Variants in ADAMTS17 observed in about 807,000 individuals in gnomAD.
ADAMTS17 encodes the protein ADAM metallopeptidase with thrombospondin type 1 motif 17.
In ADAMTS17, 113 loss-of-function variants were observed where a neutral mutation model predicts 141.5. The observed-to-expected ratio is 0.80, with a 90% CI of 0.69 to 0.93. ADAMTS17 has a LOEUF of 0.93. Ranked by LOEUF, ADAMTS17 falls within the 40% of genes least tolerant of loss-of-function variation. The pLI, the probability that ADAMTS17 is intolerant of heterozygous loss-of-function variation, is 0.00. For synonymous variants in ADAMTS17, 768 were observed against 630.6 expected, an observed-to-expected ratio of 1.22 and a Z score of -3.27; for missense variants, 1,659 against 1,517.9, an observed-to-expected ratio of 1.09 and a Z score of -1.54.
In ADAMTS17 at chr15:100,175,316, G is replaced by A. The variant is rs1338104577; in HGVS notation, c.1182-19996C>T. ...TTGGTCTGGAACAGCAGCTGTCCAA[G>A]GAACAGCCTTCTGTCCTTATCCTTG... On this transcript the variant is annotated intron_variant, in intron 8 of 21. Transcript: ENST00000268070. 5.9e-5 allele frequency among the ~76,000 whole-genome samples: 9 copies of A among 152,176 alleles called. No individual in the cohort carries two copies. In the East Asian group the frequency reaches 1.7e-3, roughly 29 times the overall value.
At chr15:100,014,435 C>T (rs1057263303) in intron 18 of ADAMTS17, among the ~76,000 whole-genome samples, 1 of 152,034 alleles carries the variant, frequency 6.6e-6, no homozygotes, top group East Asian at 1.9e-4. Context: ...TCTCTAGTTC[C>T]TTGAGGTGTG....
At chr15:100,106,181 T>C (rs2036404103) in intron 14 of ADAMTS17, among the ~76,000 whole-genome samples, 1 of 152,144 alleles carries the variant, frequency 6.6e-6, no homozygotes, top group South Asian at 2.1e-4. Flanking sequence ...CTTTATGCCA[T>C]GGGAGGACAC....
chr15:100,214,610 G>A (rs1182591267), intron 7 of ADAMTS17, among the ~76,000 whole-genome samples: 2 of 152,176 alleles, frequency 1.3e-5, no homozygotes, highest in African/African-American at 2.4e-5. Flanking sequence ...GGAGGAGCAT[G>A]GGATTGCATA....
At chr15:99,976,339 A>G (rs2060329132) in intron 20 of ADAMTS17, 117 bp from the exon 21 acceptor site, 2 of 1,330,328 alleles carry the variant, frequency 1.5e-6, no homozygotes, top group South Asian at 2.5e-5. Context: ...ACACGAGGTC[A>G]GGGGGCTGGG....
intron 15 of ADAMTS17, among the ~76,000 whole-genome samples, chr15:100,056,240 G>C (rs1567097477): frequency 6.6e-6 from 1 of 152,176 alleles, no homozygotes; most frequent in Non-Finnish European, 1.5e-5. Context: ...ATTCTTTCAA[G>C]CTTTCTGCAG....
At chr15:100,130,463 T>C (rs764474201) in intron 12 of ADAMTS17, among the ~76,000 whole-genome samples, 3 of 152,108 alleles carry the variant, frequency 2.0e-5, no homozygotes, top group Non-Finnish European at 4.4e-5. Context: ...ACATAATTAA[T>C]ACATAATGCC....
intron 4 of ADAMTS17, among the ~76,000 whole-genome samples, chr15:100,269,375 G>A (rs943236860): frequency 1.3e-5 from 2 of 152,212 alleles, no homozygotes; most frequent in African/African-American, 4.8e-5. Flanking sequence ...TATGTCATAT[G>A]AATAAGCTTC....
intron 8 of ADAMTS17, among the ~76,000 whole-genome samples, chr15:100,172,758 C>T (rs1260223729): frequency 6.6e-6 from 1 of 152,196 alleles, no homozygotes. Flanking sequence ...GGAATAAGAT[C>T]CCGCACCCCT....
chr15:99,998,431 C>T (rs1206406622), intron 18 of ADAMTS17, among the ~76,000 whole-genome samples: 3 of 152,056 alleles, frequency 2.0e-5, no homozygotes, highest in Non-Finnish European at 4.4e-5. Flanking sequence ...GGTGAAACCC[C>T]GTCTCTACTA....
rs2060280412 is a variant in ADAMTS17, at chr15:99,974,543, G to A, written c.3147C>T (p.Cys1049=). 8 of 1,614,270 alleles carry A rather than the reference G, an allele frequency of 5.0e-6. No homozygotes were observed. The highest frequency in any genetic ancestry group is 5.9e-6 in the Non-Finnish European group (7 of 1,180,046). ...SPRLAALTYK[C]TRDQWTVYCR... ...AATATACCGTCCACTGGTCTCGTGT[G>A]CATTTGTAGGTCAGAGCAGCTAAGG... Residue 1049 remains cysteine, a synonymous_variant, in exon 22 of 22, where the codon TGC becomes TGT. Coordinates refer to ENST00000268070, the MANE Select transcript of ADAMTS17 (RefSeq NM_139057.4).
Position 100,272,375 on chromosome 15 carries a change from GAT to G in ADAMTS17, c.789+8852_789+8853del, listed in dbSNP as rs574754816. The stretch of plus-strand genomic sequence containing the variant: ...TATGTCTTCTTTAATTTCCTTCATT[GAT>G]GTTTTACAGCTTTCCATGTAAAACT... On this transcript the variant is annotated intron_variant, in intron 4 of 21. Coordinates refer to ENST00000268070, the MANE Select transcript of ADAMTS17 (RefSeq NM_139057.4). Among the ~76,000 whole-genome samples the G allele has an allele frequency of 5.9e-5, 9 of 151,860 alleles. No individual in the cohort carries two copies. In the East Asian group the frequency reaches 1.6e-3, roughly 26 times the overall value.
intron 2 of ADAMTS17, among the ~76,000 whole-genome samples, chr15:100,336,123 ATGT>A (rs2046201585): frequency 6.6e-6 from 1 of 152,222 alleles, no homozygotes; most frequent in Non-Finnish European, 1.5e-5. Context: ...TTGTTTTTAA[ATGT>A]TGTCAACAAA....
chr15:100,064,135 A>C (rs35210592), intron 15 of ADAMTS17, among the ~76,000 whole-genome samples: 34,588 of 151,928 alleles, frequency 0.23, 4,775 homozygotes, highest in East Asian at 0.51. Flanking sequence ...GAAGTTTGGA[A>C]ACAGACATGC....
chr15:100,247,813 G>C (rs1567424733), intron 7 of ADAMTS17, among the ~76,000 whole-genome samples: 1 of 151,878 alleles, frequency 6.6e-6, no homozygotes, highest in East Asian at 1.9e-4. Flanking sequence ...CCTCATGGTG[G>C]GCTGGCCTGA....
At chr15:100,134,033 G>T (rs951805703) in intron 10 of ADAMTS17, among the ~76,000 whole-genome samples, 1 of 152,206 alleles carries the variant, frequency 6.6e-6, no homozygotes, top group Non-Finnish European at 1.5e-5. Context: ...TCTGGGCATC[G>T]ACAAAGTGCT....
In ADAMTS17 at chr15:100,330,253, A is replaced by C. The variant is rs117767358; in HGVS notation, c.616+636T>G. The stretch of plus-strand genomic sequence containing the variant: ...ATCATACCCCAGACTAAAACAGATC[A>C]GGATGTTGGGGGACAGGCCAGTGCA... On this transcript the variant is annotated intron_variant, in intron 3 of 21. Coordinates refer to ENST00000268070, the MANE Select transcript of ADAMTS17 (RefSeq NM_139057.4). Among the ~76,000 whole-genome samples the C allele has an allele frequency of 4.3e-3, 660 of 152,322 alleles. 1 individual carries two copies. Among genetic ancestry groups the C allele is most frequent in the Non-Finnish European group, 7.3e-3 (494 of 68,026 alleles).
chr15:100,046,814 C>T (rs1264423659), intron 18 of ADAMTS17, among the ~76,000 whole-genome samples: 2 of 152,092 alleles, frequency 1.3e-5, no homozygotes, highest in African/African-American at 2.4e-5. Context: ...GTGATGATTG[C>T]GTTAACTGCA....
At chr15:100,255,153 G>A (rs548786227) in intron 6 of ADAMTS17, among the ~76,000 whole-genome samples, 13 of 152,316 alleles carry the variant, frequency 8.5e-5, no homozygotes, top group Non-Finnish European at 1.5e-4. Context: ...CTGGCCTGCT[G>A]TGGGGAAACC....
At chr15:100,219,434 A>C (rs1177308233) in intron 7 of ADAMTS17, among the ~76,000 whole-genome samples, 1 of 152,196 alleles carries the variant, frequency 6.6e-6, no homozygotes, top group African/African-American at 2.4e-5. Context: ...TTTCCTACTT[A>C]TAAGAGTATA....
Sources: allele counts gnomAD v4.1 joint callset (sites outside exome capture counted in the v4.1 genomes callset), GRCh38; gene constraint gnomAD v4.1.1; transcripts MANE v1.5; gene names NCBI Gene and HGNC (gene_info 2026-07-23, HGNC 2026-07-21).